CDK6: variants seen among roughly 807,000 people sequenced by gnomAD.
CDK6 encodes cyclin-dependent kinase 6.
Under a neutral mutation model 37.1 loss-of-function variants are expected in CDK6, and 6 were observed. That is an observed-to-expected ratio of 0.16 (90% confidence interval 0.09 to 0.32). The LOEUF (loss-of-function observed/expected upper bound fraction) is 0.32, where lower values mean the gene tolerates loss of function less well. CDK6 is among the 10% of genes least tolerant of loss of function. The pLI is 1.00. For missense variants in CDK6, 224 were observed against 418.9 expected (o/e 0.53, Z 4.06); for synonymous variants, 160 against 161.3 (o/e 0.99, Z 0.06).
chr7:92,785,920 G>A (rs910929545), intron 2 of CDK6, among the ~76,000 whole-genome samples: 1 of 152,220 alleles, frequency 6.6e-6, no homozygotes, highest in Non-Finnish European at 1.5e-5. Context: ...AGCGAAGACT[G>A]CTGATATCCC....
At chr7:92,687,041 T>C (rs923664923) in intron 4 of CDK6, among the ~76,000 whole-genome samples, 1 of 152,172 alleles carries the variant, frequency 6.6e-6, no homozygotes, top group Non-Finnish European at 1.5e-5. Flanking sequence ...TTGTTGGAAG[T>C]ATAGATTGTG....
In CDK6 at chr7:92,834,745, G is replaced by A. The variant is rs1347969447; in HGVS notation, c.-367-1055C>T. Among the ~76,000 whole-genome samples the A allele has an allele frequency of 1.3e-5, 2 of 152,018 alleles. No individual in the cohort carries two copies. The highest frequency in any genetic ancestry group is 4.8e-5 in the African/African-American group (2 of 41,390). ...GAGAAGGTCTCTGTCCTCGGGGCCC[G>A]GACTCGCGAACCTTTTCCCATTCCC... On this transcript the variant is annotated intron_variant, in intron 1 of 7. Transcript: ENST00000424848. The surrounding 1 kb of genome is among the most constrained non-coding windows in gnomAD (Gnocchi z 4.6).
In CDK6 at chr7:92,822,865, G is replaced by C. The variant is rs777844472; in HGVS notation, c.233+10226C>G. Among the ~76,000 whole-genome samples, 11 of 152,044 alleles carry C rather than the reference G, an allele frequency of 7.2e-5. No homozygotes were observed. The East Asian group carries it at 2.1e-3, about 29-fold the overall frequency. On this transcript the variant is annotated intron_variant, in intron 2 of 7. Coordinates refer to ENST00000424848, the MANE Select transcript of CDK6 (RefSeq NM_001145306.2). ...ATTTTCATCTACTTTCAGATCACCA[G>C]GTTTCAGAGTTTGAAGTTTATCAAG...
intron 7 of CDK6, among the ~76,000 whole-genome samples, chr7:92,616,161 T>C (rs1795673821): frequency 6.6e-6 from 1 of 152,132 alleles, no homozygotes; most frequent in African/African-American, 2.4e-5. Context: ...ACTGGGTATA[T>C]GAAATGTCTA....
intron 5 of CDK6, among the ~76,000 whole-genome samples, chr7:92,638,773 T>TG (rs1652282278): frequency 6.6e-6 from 1 of 152,208 alleles, no homozygotes; most frequent in Admixed American, 6.5e-5. Flanking sequence ...AGATGTCTTT[T>TG]GACCCCCCCA....
chr7:92,835,458 TC>T lies in CDK6; in HGVS notation c.-368+1019del, dbSNP rs1174169135. Among the ~76,000 whole-genome samples the T allele has an allele frequency of 1.3e-5, 2 of 151,500 alleles. No individual in the cohort carries two copies. Among genetic ancestry groups the T allele is most frequent in the Admixed American group, 1.3e-4 (2 of 15,246 alleles). On this transcript the variant is annotated intron_variant, in intron 1 of 7. Transcript: ENST00000424848. The surrounding 1 kb of genome is among the most constrained non-coding windows in gnomAD (Gnocchi z 4.2). ...GAGAAACGGGAGCAGCAATGCCTTT[TC>T]CCCCCCTCTCCTCCACTTTTTTTTG...
intron 2 of CDK6, among the ~76,000 whole-genome samples, chr7:92,826,496 C>T (rs1239915422): frequency 6.6e-6 from 1 of 152,062 alleles, no homozygotes; most frequent in Admixed American, 6.6e-5. Context: ...ACCAAGTGCA[C>T]ATTCAGAGAT....
intron 2 of CDK6, among the ~76,000 whole-genome samples, chr7:92,809,618 G>T (rs944854165): frequency 6.6e-6 from 1 of 152,190 alleles, no homozygotes; most frequent in Non-Finnish European, 1.5e-5. Context: ...GCTCTTACTT[G>T]AGAGGTAAGG....
intron 2 of CDK6, among the ~76,000 whole-genome samples, chr7:92,806,663 A>G (rs1800732496): frequency 2.0e-5 from 3 of 152,180 alleles, no homozygotes; most frequent in African/African-American, 4.8e-5. Context: ...GATATCGTGT[A>G]TATTAATGCC....
rs573116852 is a variant in CDK6, at chr7:92,834,850, A to C, written c.-367-1160T>G. 6.6e-6 allele frequency among the ~76,000 whole-genome samples: 1 copy of C among 151,684 alleles called. No homozygotes were observed. Among genetic ancestry groups the C allele is most frequent in the African/African-American group, 2.4e-5 (1 of 41,316 alleles). ...AAGGCCCGGTCCAGTCTGCAGCCGG[A>C]CGCCCCCGGAGCCCTCTGCACAACA... On this transcript the variant is annotated intron_variant, in intron 1 of 7. Coordinates refer to ENST00000424848, the MANE Select transcript of CDK6 (RefSeq NM_001145306.2). The surrounding 1 kb of genome is among the most constrained non-coding windows in gnomAD (Gnocchi z 4.6).
chr7:92,751,161 C>T (rs1231030650), intron 3 of CDK6, among the ~76,000 whole-genome samples: 1 of 152,118 alleles, frequency 6.6e-6, no homozygotes, highest in African/African-American at 2.4e-5. Context: ...CTTCGAAATG[C>T]TAAAATTCCA....
At chr7:92,729,779 G>C (rs1289145781) in intron 3 of CDK6, among the ~76,000 whole-genome samples, 1 of 152,170 alleles carries the variant, frequency 6.6e-6, no homozygotes, top group Non-Finnish European at 1.5e-5. Context: ...GCAGGGTCTT[G>C]CTCTGCCACC....
chr7:92,727,269 G>A (rs1479371925), intron 3 of CDK6, among the ~76,000 whole-genome samples: 2 of 152,168 alleles, frequency 1.3e-5, no homozygotes, highest in Non-Finnish European at 2.9e-5. Flanking sequence ...TTTCAGAGCT[G>A]GAAGGGGCTG....
At chr7:92,683,041 C>T (rs1402196591) in intron 4 of CDK6, among the ~76,000 whole-genome samples, 1 of 152,168 alleles carries the variant, frequency 6.6e-6, no homozygotes, top group Non-Finnish European at 1.5e-5. Flanking sequence ...GATTTTGACA[C>T]TAAACAATCA....
chr7:92,643,625 CTTTCT>C (rs1441392738), intron 5 of CDK6, among the ~76,000 whole-genome samples: 4 of 152,224 alleles, frequency 2.6e-5, no homozygotes, highest in Non-Finnish European at 5.9e-5. Context: ...GGTCTATTCA[CTTTCT>C]TTTCATCTTT....
At chr7:92,634,457 A>G (rs1796124065) in intron 5 of CDK6, among the ~76,000 whole-genome samples, 2 of 150,472 alleles carry the variant, frequency 1.3e-5, no homozygotes, top group South Asian at 4.2e-4. Flanking sequence ...GCTTGGTAGC[A>G]GGAGTTTCTC....
At chr7:92,829,328 T>C (rs566562531) in intron 2 of CDK6, among the ~76,000 whole-genome samples, 5 of 152,382 alleles carry the variant, frequency 3.3e-5, no homozygotes, top group East Asian at 3.9e-4. Context: ...TTCACTGATA[T>C]GTAATGACTT....
At chr7:92,826,946 TAA>T (rs1238048748) in intron 2 of CDK6, among the ~76,000 whole-genome samples, 1 of 152,120 alleles carries the variant, frequency 6.6e-6, no homozygotes, top group Non-Finnish European at 1.5e-5. Flanking sequence ...TCAGCAAACA[TAA>T]AGTCACTAAA....
chr7:92,773,776 A>G (rs887948064), intron 3 of CDK6, among the ~76,000 whole-genome samples: 6 of 152,382 alleles, frequency 3.9e-5, no homozygotes, highest in Non-Finnish European at 8.8e-5. Context: ...AGTATCTGAG[A>G]ACGTCATTTA....
Sources: allele counts gnomAD v4.1 joint callset (sites outside exome capture counted in the v4.1 genomes callset), GRCh38; gene constraint gnomAD v4.1.1; non-coding constraint Gnocchi (gnomAD v3.1); transcripts MANE v1.5; gene names NCBI Gene and HGNC (gene_info 2026-07-23, HGNC 2026-07-21).